The following PACRGL variants were observed in gnomAD, a reference collection of about 807,000 sequenced individuals.
PACRGL encodes parkin coregulated like, also known as PACRG-like protein.
PACRGL carries 38 observed loss-of-function variants against 34.5 expected under a neutral mutation model. The observed-to-expected ratio is 1.10, with a 90% confidence interval of 0.85 to 1.44. The LOEUF (loss-of-function observed/expected upper bound fraction) is 1.44, where lower values mean the gene tolerates loss of function less well. PACRGL is among the 40% of genes most tolerant of loss of function. The probability of loss-of-function intolerance (pLI) is 0.00; values close to 1 mark genes in which losing one functional copy is unlikely to be tolerated. For missense variants in PACRGL, 305 were observed against 281.4 expected (o/e 1.08, Z -0.60); for synonymous variants, 128 against 100.1 (o/e 1.28, Z -1.66).
chr4:20,701,606 A>T lies in PACRGL; in HGVS notation c.-17+819A>T. The stretch of plus-strand genomic sequence containing the variant: ...ACTTGAAAGGGTTACCAAGGATAAG[A>T]TTTTTAAAGCTTGCTTTCACAAACA... On this transcript the variant is annotated intron_variant, in intron 1 of 8. Coordinates refer to ENST00000503585, the MANE Select transcript of PACRGL (RefSeq NM_001258345.3). The T allele has an allele frequency of 1.0e-5, 3 of 288,788 alleles. No individual in the cohort carries two copies. The South Asian group carries it at 1.0e-4, about 10-fold the overall frequency. 17.9% of individuals were successfully genotyped at this position (288,788 alleles called of 1,614,324 possible).
chr4:20,699,234 T>TAA (rs975834683), upstream of PACRGL, among the ~76,000 whole-genome samples: 610 of 146,784 alleles, frequency 4.2e-3, 8 homozygotes, highest in South Asian at 0.046. Context: ...TTTTTTTTTT[T>TAA]AAAAATTTCT....
In PACRGL at chr4:20,727,420, C is replaced by A. The variant is rs1416014939; in HGVS notation, c.*79C>A. The A allele has an allele frequency of 1.6e-6, 2 of 1,215,164 alleles. No individual in the cohort carries two copies. Among genetic ancestry groups the A allele is most frequent in the Non-Finnish European group, 1.2e-6 (1 of 829,538 alleles). 75.3% of individuals were successfully genotyped at this position (1,215,164 alleles called of 1,614,324 possible). On this transcript the variant is annotated 3_prime_UTR_variant, in exon 9 of 9. Coordinates refer to ENST00000503585, the MANE Select transcript of PACRGL (RefSeq NM_001258345.3). ...ACTGTGGGTACTCATTTATTTTATT[C>A]TTTTGTAAATCACAGCCACCATTCA...
At chr4:20,716,730 T>G (rs1397399089) in intron 7 of PACRGL, among the ~76,000 whole-genome samples, 1 of 152,166 alleles carries the variant, frequency 6.6e-6, no homozygotes, top group East Asian at 1.9e-4. Flanking sequence ...ATCCAGTCTA[T>G]CATTGATGGA....
intron 8 of PACRGL, among the ~76,000 whole-genome samples, chr4:20,749,247 G>A (rs1445457193): frequency 1.3e-5 from 2 of 151,886 alleles, no homozygotes; most frequent in Non-Finnish European, 2.9e-5. Context: ...GCTGGTGAAT[G>A]TAGTCTTTTT....
At chr4:20,732,655 C>G (rs1748612599), downstream of PACRGL, 4 of 1,470,128 alleles carry the variant, frequency 2.7e-6, no homozygotes, top group Admixed American at 3.4e-5. Context: ...ACTTCATGCC[C>G]TCTTGACTTC....
the PACRGL span, among the ~76,000 whole-genome samples, chr4:20,765,019 C>T: frequency 6.6e-6 from 1 of 152,280 alleles, no homozygotes; most frequent in East Asian, 1.9e-4. Context: ...GAGATGAAGT[C>T]ACTTGTTTGA....
upstream of PACRGL, among the ~76,000 whole-genome samples, chr4:20,698,859 C>T (rs1731389775): frequency 6.6e-6 from 1 of 152,188 alleles, no homozygotes; most frequent in Non-Finnish European, 1.5e-5. Flanking sequence ...CTAGCTAATA[C>T]TTATTGAGTA....
intron 8 of PACRGL, among the ~76,000 whole-genome samples, chr4:20,741,093 G>C (rs1412745046): frequency 6.6e-6 from 1 of 152,150 alleles, no homozygotes; most frequent in Non-Finnish European, 1.5e-5. Flanking sequence ...GATCTACAAA[G>C]AGACTTAGAC....
At chr4:20,708,722 C>CT (rs2149074978) in intron 4 of PACRGL, among the ~76,000 whole-genome samples, 2 of 152,128 alleles carry the variant, frequency 1.3e-5, no homozygotes, top group East Asian at 3.9e-4. Flanking sequence ...CAAAGGAGTT[C>CT]AAAGAAGCAT....
At chr4:20,707,701 G>A (rs1352953633) in intron 3 of PACRGL, 102 bp from the exon 4 acceptor site, 7 of 853,406 alleles carry the variant, frequency 8.2e-6, no homozygotes, top group South Asian at 7.1e-5. Flanking sequence ...GAGTAGAAAC[G>A]GTGCGCTTCG....
downstream of PACRGL, chr4:20,734,624 T>G (rs1245153271): frequency 1.5e-6 from 2 of 1,375,016 alleles, no homozygotes; most frequent in Admixed American, 2.2e-5. Context: ...GAGGCATCCC[T>G]TACCTCTTTA....
rs1747526346 is a variant in PACRGL, at chr4:20,729,909, T to TTATAAC, written c.*2570_*2575dup. 1.1e-5 allele frequency: 7 copies of TTATAAC among 660,136 alleles called. No individual in the cohort carries two copies. Among genetic ancestry groups the TTATAAC allele is most frequent in the Non-Finnish European group, 1.6e-5 (7 of 433,840 alleles). 40.9% of individuals were successfully genotyped at this position (660,136 alleles called of 1,614,324 possible). On this transcript the variant is annotated 3_prime_UTR_variant, in exon 9 of 9. Coordinates refer to ENST00000503585, the MANE Select transcript of PACRGL (RefSeq NM_001258345.3). ...GTGGCATTATGAAAAGGATGCAAATTTATAACTGAAAGCTCAAATCTTTTG... is the reference window on the plus strand; with the variant it reads ...GTGGCATTATGAAAAGGATGCAAATTTATAACTATAACTGAAAGCTCAAATCTTTTG...
chr4:20,698,961 T>A (rs1424885227), upstream of PACRGL, among the ~76,000 whole-genome samples: 1 of 152,192 alleles, frequency 6.6e-6, no homozygotes, highest in Non-Finnish European at 1.5e-5. Flanking sequence ...GTAGGAGTCG[T>A]CATCCACAAG....
At chr4:20,710,374 A>G (rs778072807) in intron 5 of PACRGL, among the ~76,000 whole-genome samples, 2 of 152,190 alleles carry the variant, frequency 1.3e-5, no homozygotes, top group Non-Finnish European at 2.9e-5. Context: ...AATCATTGCT[A>G]TCTTCTATGA....
In PACRGL at chr4:20,712,817, T is replaced by A. The variant is rs768146559; in HGVS notation, c.396T>A (p.Thr132=). 1 of 1,595,180 alleles carries A rather than the reference T, an allele frequency of 6.3e-7. No homozygotes were observed. Among genetic ancestry groups the A allele is most frequent in the Non-Finnish European group, 8.6e-7 (1 of 1,168,990 alleles). The change falls in exon 6 of 9, where the codon ACT becomes ACA. Residue 132 remains threonine (T), a synonymous_variant. Coordinates refer to ENST00000503585, the MANE Select transcript of PACRGL (RefSeq NM_001258345.3). ...EGLRETKHPY[T]FVSKEGFREL... Reference sequence around the variant, plus strand: ...TGAGAGAGACTAAGCATCCATACACTTTTGTGTCAAAGGAGGGTTTTAGAG... The same window carrying A: ...TGAGAGAGACTAAGCATCCATACACATTTGTGTCAAAGGAGGGTTTTAGAG...
intron 8 of PACRGL, among the ~76,000 whole-genome samples, chr4:20,726,613 A>G (rs986306109): frequency 6.6e-6 from 1 of 152,174 alleles, no homozygotes; most frequent in Non-Finnish European, 1.5e-5. Flanking sequence ...AAAATATTAG[A>G]AATTAAGTCT....
At chr4:20,720,983 T>C (rs1742809261) in intron 7 of PACRGL, among the ~76,000 whole-genome samples, 1 of 152,220 alleles carries the variant, frequency 6.6e-6, no homozygotes, top group Admixed American at 6.5e-5. Context: ...AGATTTGGTC[T>C]TTTCACATAG....
intron 8 of PACRGL, among the ~76,000 whole-genome samples, chr4:20,751,608 ACAAT>A (rs1465771200): frequency 6.6e-6 from 1 of 152,174 alleles, no homozygotes; most frequent in Non-Finnish European, 1.5e-5. Flanking sequence ...CCCTGTTTTC[ACAAT>A]CAGAGTAAAT....
At chr4:20,707,532 A>G (rs1578143405) in intron 3 of PACRGL, among the ~76,000 whole-genome samples, 1 of 152,362 alleles carries the variant, frequency 6.6e-6, no homozygotes, top group African/African-American at 2.4e-5. Flanking sequence ...TCACCTTGAA[A>G]GGTCACAGTG....
Sources: gnomAD v4.1 joint callset for allele counts (sites outside exome capture counted in the v4.1 genomes callset) on GRCh38, gnomAD v4.1.1 for gene constraint, MANE v1.5 for transcripts, NCBI Gene and HGNC (gene_info 2026-07-23, HGNC 2026-07-21) for gene names.